The following GAD2 variants were observed in gnomAD, a reference collection of about 807,000 sequenced individuals.
GAD2 encodes glutamate decarboxylase 2.
A neutral mutation model predicts 80.1 loss-of-function variants in GAD2; 22 were observed. The observed-to-expected ratio is 0.27, with a 90% CI of 0.20 to 0.39. The LOEUF (loss-of-function observed/expected upper bound fraction) is 0.39. Ranked by LOEUF, GAD2 falls within the 10% of genes least tolerant of loss-of-function variation. GAD2 has a pLI of 1.00. For missense variants in GAD2, 624 were observed against 738.4 expected, an observed-to-expected ratio of 0.85 and a Z score of 1.80; for synonymous variants, 274 against 256.9, an observed-to-expected ratio of 1.07 and a Z score of -0.64.
chr10:26,241,103 A>G (rs1344118908), intron 7 of GAD2, among the ~76,000 whole-genome samples: 1 of 152,150 alleles, frequency 6.6e-6, no homozygotes, highest in East Asian at 1.9e-4. Context: ...TTACTTTTTC[A>G]TTTAGTAGAA....
At position 26,217,687 on chromosome 10, in the gene GAD2, G is replaced by T. The variant is rs774384050; in HGVS notation, c.136+18G>T. The T allele has an allele frequency of 1.2e-6, 2 of 1,612,272 alleles. No homozygotes were observed. The highest frequency in any genetic ancestry group is 2.2e-5 in the South Asian group (2 of 90,734). ...ACTGTGCGGTGAGTGCCCAGGGACCGGGGCGGCCAAGGTCGGCCCGCGGGG... is the reference window on the plus strand; with the variant it reads ...ACTGTGCGGTGAGTGCCCAGGGACCTGGGCGGCCAAGGTCGGCCCGCGGGG... On this transcript the variant is annotated intron_variant, in intron 2 of 15. Coordinates refer to ENST00000376261, the MANE Select transcript of GAD2 (RefSeq NM_001134366.2). The surrounding 1 kb of genome is among the most constrained non-coding windows in gnomAD (Gnocchi z 4.9).
intron 12 of GAD2, among the ~76,000 whole-genome samples, chr10:26,283,511 G>A (rs1244952615): frequency 2.6e-5 from 4 of 152,176 alleles, no homozygotes; most frequent in African/African-American, 4.8e-5. Flanking sequence ...GGTCAACAAC[G>A]AGTCAAGAGA....
chr10:26,297,113 G>A (rs1293210130), intron 15 of GAD2, among the ~76,000 whole-genome samples: 1 of 152,024 alleles, frequency 6.6e-6, no homozygotes, highest in Non-Finnish European at 1.5e-5. Context: ...ACAGGGTTGG[G>A]ACGGGGTTTC....
intron 8 of GAD2, among the ~76,000 whole-genome samples, chr10:26,260,968 G>A (rs980930857): frequency 1.1e-4 from 16 of 152,208 alleles, no homozygotes; most frequent in Non-Finnish European, 2.1e-4. Flanking sequence ...ACACAGGCAT[G>A]CAGCGCAAAG....
chr10:26,230,377 C>T (rs776419717), intron 7 of GAD2, among the ~76,000 whole-genome samples: 4 of 152,134 alleles, frequency 2.6e-5, no homozygotes, highest in Admixed American at 1.3e-4. Flanking sequence ...TTTGAAAACT[C>T]AGCCCACTGA....
chr10:26,239,902 A>T (rs1844719633), intron 7 of GAD2, among the ~76,000 whole-genome samples: 1 of 152,236 alleles, frequency 6.6e-6, no homozygotes, highest in Non-Finnish European at 1.5e-5. Context: ...GAACAAAGAC[A>T]GAAAATGAGG....
At chr10:26,269,720 T>A (rs754780588) in intron 9 of GAD2, among the ~76,000 whole-genome samples, 49 of 152,330 alleles carry the variant, frequency 3.2e-4, no homozygotes, top group Admixed American at 1.6e-3. Context: ...GAGAATTTGT[T>A]TCTAGAATTC....
rs374612842 is a variant in GAD2 at position 26,269,187 on chromosome 10, G to A, written c.975+14G>A. 45 of 1,585,696 alleles carry A rather than the reference G, an allele frequency of 2.8e-5. No homozygotes were observed. Among genetic ancestry groups the A allele is most frequent in the Middle Eastern group, 1.7e-4 (1 of 5,982 alleles). Reference sequence around the variant, plus strand: ...GCCAAACAGAAAGTAAGTTTCTGCCGGGAGCTTTATCCAGCCCATATTTCT... The same window carrying A: ...GCCAAACAGAAAGTAAGTTTCTGCCAGGAGCTTTATCCAGCCCATATTTCT... On this transcript the variant is annotated intron_variant, in intron 9 of 15. Coordinates refer to ENST00000376261, the MANE Select transcript of GAD2 (RefSeq NM_001134366.2).
At chr10:26,274,691 G>T (rs974868953) in intron 11 of GAD2, among the ~76,000 whole-genome samples, 2 of 152,198 alleles carry the variant, frequency 1.3e-5, no homozygotes, top group Non-Finnish European at 1.5e-5. Context: ...GGAGGCCCAG[G>T]CCAGAGTGGC....
chr10:26,244,030 A>G (rs1279105395), intron 7 of GAD2, among the ~76,000 whole-genome samples: 1 of 152,240 alleles, frequency 6.6e-6, no homozygotes, highest in Non-Finnish European at 1.5e-5. Context: ...AAGAACAAAA[A>G]CTAAATAAAC....
chr10:26,249,353 G>C (rs1055587884), intron 8 of GAD2, among the ~76,000 whole-genome samples: 1 of 152,202 alleles, frequency 6.6e-6, no homozygotes, highest in Non-Finnish European at 1.5e-5. Flanking sequence ...TATTTTTAAG[G>C]CTACCAGTGT....
At chr10:26,284,816 G>A (rs561381313) in intron 12 of GAD2, among the ~76,000 whole-genome samples, 3 of 152,086 alleles carry the variant, frequency 2.0e-5, no homozygotes, top group South Asian at 2.1e-4. Flanking sequence ...TGATCCACCC[G>A]CCTCGGCCTC....
intron 7 of GAD2, among the ~76,000 whole-genome samples, chr10:26,238,128 G>A (rs1844697970): frequency 6.6e-6 from 1 of 152,092 alleles, no homozygotes; most frequent in Non-Finnish European, 1.5e-5. Context: ...CCTGAGGACA[G>A]TATCACATTA....
chr10:26,282,636 A>G (rs1845284097), intron 12 of GAD2, among the ~76,000 whole-genome samples: 1 of 152,194 alleles, frequency 6.6e-6, no homozygotes, highest in Non-Finnish European at 1.5e-5. Flanking sequence ...AATATTAACC[A>G]ATGTTTTACA....
At position 26,221,561 on chromosome 10, in the gene GAD2, T is replaced by G. The variant is rs574068864; in HGVS notation, c.520+2285T>G. Among the ~76,000 whole-genome samples, 4 of 152,274 alleles carry G rather than the reference T, an allele frequency of 2.6e-5. No individual in the cohort carries two copies. The East Asian group carries it at 7.7e-4, about 29-fold the overall frequency. ...ACCATCAGACAAAGGGAATTAAGCG[T>G]CAGTAGATGAGGCAGCCCTAGTGTG... On this transcript the variant is annotated intron_variant, in intron 4 of 15. Transcript: ENST00000376261.
chr10:26,290,127 C>T (rs1834197203), intron 13 of GAD2, among the ~76,000 whole-genome samples: 1 of 152,032 alleles, frequency 6.6e-6, no homozygotes, highest in Non-Finnish European at 1.5e-5. Flanking sequence ...CATCTGGCAT[C>T]CTTTGCTGAA....
At chr10:26,284,462 A>G (rs188060894) in intron 12 of GAD2, among the ~76,000 whole-genome samples, 9 of 151,878 alleles carry the variant, frequency 5.9e-5, no homozygotes, top group Non-Finnish European at 1.0e-4. Context: ...TAACTTTTTC[A>G]TGGCTCAGAA....
At chr10:26,280,954 G>T in intron 11 of GAD2, 55 bp from the exon 12 acceptor site, 1 of 1,164,326 alleles carries the variant, frequency 8.6e-7, no homozygotes, top group Non-Finnish European at 1.3e-6. Flanking sequence ...AGTTGCGCAT[G>T]CCCTGAGCCT....
intron 6 of GAD2, among the ~76,000 whole-genome samples, chr10:26,228,469 G>C (rs1844556907): frequency 6.6e-6 from 1 of 152,212 alleles, no homozygotes; most frequent in East Asian, 1.9e-4. Context: ...AACTAGTTTA[G>C]AGGGAATGAA....
Sources: gnomAD v4.1 joint callset for allele counts (sites outside exome capture counted in the v4.1 genomes callset) on GRCh38, gnomAD v4.1.1 for gene constraint, Gnocchi (gnomAD v3.1) non-coding constraint, MANE v1.5 for transcripts, NCBI Gene and HGNC (gene_info 2026-07-23, HGNC 2026-07-21) for gene names.